Variants in NOTCH4 observed in about 807,000 individuals in gnomAD.
NOTCH4 encodes the protein neurogenic locus notch homolog protein 4.
In NOTCH4, 138 loss-of-function variants were observed where a neutral mutation model predicts 189.0. That is an observed-to-expected ratio of 0.73 (90% CI 0.64 to 0.84). The LOEUF is 0.84. NOTCH4 is among the 40% of genes least tolerant of loss of function. The probability of loss-of-function intolerance (pLI) is 0.00; values close to 1 mark genes in which losing one functional copy is unlikely to be tolerated. For missense variants in NOTCH4, 2,286 were observed against 2,605.4 expected, an observed-to-expected ratio of 0.88 and a Z score of 2.67; for synonymous variants, 942 against 1,032.8, an observed-to-expected ratio of 0.91 and a Z score of 1.69.
At position 32,198,445 on chromosome 6, in the gene NOTCH4, G is replaced by A; in HGVS notation, c.4732C>T (p.Pro1578Ser). 6 of 1,612,928 alleles carry A rather than the reference G, an allele frequency of 3.7e-6. No individual in the cohort carries two copies. The highest frequency in any genetic ancestry group is 5.1e-6 in the Non-Finnish European group (6 of 1,180,004). Residue 1578 changes from proline (P) to serine (S), a missense_variant, in exon 26 of 30, where the codon CCT becomes TCT. This residue lies in a region of NOTCH4 where 1,903 missense variants were observed against 2,261.9 expected (regional missense o/e 0.84). Transcript: ENST00000375023. This position sits in a 1 kb window ranked among gnomAD's most constrained non-coding sequence, Gnocchi z 5.5. ...TPPQESEMEAPDLDTRGPDGV... is the reference protein window; with the variant it reads ...TPPQESEMEASDLDTRGPDGV... ...CCAGGTCCACGGGTGTCCAGGTCAG[G>A]GGCTTCCATCTCAGATTCCTGGGGA...
In NOTCH4 at chr6:32,215,391, G is replaced by T; in HGVS notation, c.1862-6C>A. Reference sequence around the variant, plus strand: ...GGGAACCTCACAGAGCTGGCCTGGGGTGGGAAGATGGGTCAAAAAGAAAAC... The same window carrying T: ...GGGAACCTCACAGAGCTGGCCTGGGTTGGGAAGATGGGTCAAAAAGAAAAC... On this transcript the variant is annotated splice_polypyrimidine_tract_variant and splice_region_variant and intron_variant, in intron 11 of 29. Transcript: ENST00000375023. The T allele has an allele frequency of 3.7e-6, 6 of 1,600,936 alleles. No homozygotes were observed. The highest frequency in any genetic ancestry group is 5.1e-6 in the Non-Finnish European group (6 of 1,175,724).
intron 29 of NOTCH4, 86 bp from the exon 30 acceptor site, chr6:32,196,236 C>T (rs1308458786): frequency 1.2e-6 from 2 of 1,611,542 alleles, no homozygotes; most frequent in South Asian, 1.1e-5. Flanking sequence ...GACCACTGGC[C>T]CCTATCCCTT....
chr6:32,214,358 G>T, intron 12 of NOTCH4, 103 bp from the exon 13 acceptor site: 1 of 1,301,360 alleles, frequency 7.7e-7, no homozygotes, highest in Non-Finnish European at 1.1e-6. Flanking sequence ...TTGGCCCTGA[G>T]ATTCTGGCCT....
Position 32,217,536 on chromosome 6 carries a change from T to G in NOTCH4, c.1625-270A>C, listed in dbSNP as rs1789491866. Reference sequence around the variant, plus strand: ...AATAATAATGGAACCTACCTCATGGTACTGTTAAAAAGATTAAATGACATA... The same window carrying G: ...AATAATAATGGAACCTACCTCATGGGACTGTTAAAAAGATTAAATGACATA... On this transcript the variant is annotated intron_variant, in intron 9 of 29. Coordinates refer to ENST00000375023, the MANE Select transcript of NOTCH4 (RefSeq NM_004557.4). This position sits in a 1 kb window ranked among gnomAD's most constrained non-coding sequence, Gnocchi z 4.2. Among the ~76,000 whole-genome samples the G allele has an allele frequency of 6.6e-6, 1 of 152,222 alleles. No homozygotes were observed. The highest frequency in any genetic ancestry group is 2.4e-5 in the African/African-American group (1 of 41,448).
At chr6:32,211,120 C>T (rs984345419) in intron 17 of NOTCH4, among the ~76,000 whole-genome samples, 184 bp from the exon 18 acceptor site, 1 of 151,796 alleles carries the variant, frequency 6.6e-6, no homozygotes, top group Non-Finnish European at 1.5e-5. Context: ...ATTGGTCGGG[C>T]GTTGTGGCAG....
chr6:32,197,087 G>A lies in NOTCH4; in HGVS notation c.5053-15C>T. Reference sequence around the variant, plus strand: ...CGGAGCAGAAGCTGGGGAGACAGAGGGCCAGTGACCCCTGGGGTACCTTGG... The same window carrying A: ...CGGAGCAGAAGCTGGGGAGACAGAGAGCCAGTGACCCCTGGGGTACCTTGG... On this transcript the variant is annotated splice_polypyrimidine_tract_variant and intron_variant, in intron 27 of 29. Transcript: ENST00000375023. The A allele has an allele frequency of 6.2e-7, 1 of 1,611,526 alleles. No individual in the cohort carries two copies. Among genetic ancestry groups the A allele is most frequent in the South Asian group, 1.1e-5 (1 of 91,072 alleles).
Position 32,202,862 on chromosome 6 carries a change from C to G in NOTCH4, c.3232-263G>C. The stretch of plus-strand genomic sequence containing the variant: ...CCTGATGGACTGTGGCATTACAGTG[C>G]AAGTCCTAGAAGACTAAACAGTTAA... On this transcript the variant is annotated intron_variant, in intron 20 of 29. Transcript: ENST00000375023. This position sits in a 1 kb window ranked among gnomAD's most constrained non-coding sequence, Gnocchi z 5.7. 2.4e-6 allele frequency: 1 copy of G among 415,364 alleles called. No homozygotes were observed. Among genetic ancestry groups the G allele is most frequent in the Non-Finnish European group, 4.3e-6 (1 of 233,980 alleles). 25.7% of individuals were successfully genotyped at this position (415,364 alleles called of 1,614,324 possible). A position where few individuals can be genotyped will look rare whatever the true frequency, so the allele number is the denominator to read the frequency against.
In NOTCH4 at chr6:32,220,540, C is replaced by T. The variant is rs144492578; in HGVS notation, c.1024G>A (p.Val342Met). 1.1e-4 allele frequency: 176 copies of T among 1,613,786 alleles called. No homozygotes were observed. In the African/African-American group the frequency reaches 1.4e-3, roughly 13 times the overall value. Residue 342 changes from valine (V) to methionine (M), a missense_variant, in exon 6 of 30, where the codon GTG becomes ATG. By Grantham distance (21) the Val-to-Met change is conservative. Transcript: ENST00000375023. ...CQNSAGSFHC[V>M]CVSGWGGTSC... ...GTGCCGCCCCAGCCACTCACACACA[C>T]GCAGTGAAAGCTACCAGCAGAGTTC...
chr6:32,216,789 G>A (rs918425339), intron 11 of NOTCH4, 156 bp downstream of exon 11: 11 of 941,022 alleles, frequency 1.2e-5, no homozygotes, highest in Non-Finnish European at 1.9e-5. Context: ...CCCCATGGTT[G>A]TACAATTGTG....
rs1260088076 is a variant in NOTCH4 at position 32,221,286 on chromosome 6, G to A, written c.491C>T (p.Pro164Leu). The change falls in exon 4 of 30, where the codon CCA (proline) becomes CTA (leucine). Residue 164 changes from proline (P) to leucine (L), a missense_variant. Physicochemically the swap from Pro to Leu is moderately conservative, Grantham distance 98. Around this residue, in one of 2 missense-constraint regions of NOTCH4, gnomAD observed 1,903 missense variants for 2,261.9 expected, o/e 0.84. Coordinates refer to ENST00000375023, the MANE Select transcript of NOTCH4 (RefSeq NM_004557.4). This position sits in a 1 kb window ranked among gnomAD's most constrained non-coding sequence, Gnocchi z 4.3. ...CQLRDFCSAN[P>L]CVNGGVCLAT... ...CAGACACACCCCTCCATTAACACAT[G>A]GGTTGGCTGAACAGAAGTCCCGAAG... is the stretch of plus-strand genomic sequence containing the variant. The A allele has an allele frequency of 1.2e-6, 2 of 1,612,888 alleles. No homozygotes were observed. The highest frequency in any genetic ancestry group is 2.2e-5 in the East Asian group (1 of 44,896).
intron 12 of NOTCH4, 64 bp downstream of exon 12, chr6:32,215,162 T>C: frequency 2.1e-6 from 3 of 1,404,694 alleles, no homozygotes; most frequent in Non-Finnish European, 2.9e-6. Context: ...CTGGCTGTCT[T>C]CTCCTGTCCT....
In NOTCH4 at chr6:32,199,199, C is replaced by G; in HGVS notation, c.4316-54G>C. ...AGGCCACTCCTGGTGAGACTGATTACTATTGGGAGACCTTTGGACAAGTTT... is the reference window on the plus strand; with the variant it reads ...AGGCCACTCCTGGTGAGACTGATTAGTATTGGGAGACCTTTGGACAAGTTT... On this transcript the variant is annotated intron_variant, in intron 23 of 29. Transcript: ENST00000375023. The surrounding 1 kb of genome is among the most constrained non-coding windows in gnomAD (Gnocchi z 4.9). 1.5e-6 allele frequency: 2 copies of G among 1,342,282 alleles called. No individual in the cohort carries two copies. Among genetic ancestry groups the G allele is most frequent in the Non-Finnish European group, 1.0e-6 (1 of 993,288 alleles). 83.1% of individuals were successfully genotyped at this position (1,342,282 alleles called of 1,614,324 possible).
rs1397089565 is a variant in NOTCH4, at chr6:32,222,493, GC to G, written c.451+17del. On this transcript the variant is annotated intron_variant, in intron 3 of 29. Coordinates refer to ENST00000375023, the MANE Select transcript of NOTCH4 (RefSeq NM_004557.4). ...TGCTCCTGCCTGTCCCCTCCTGGCT[GC>G]CCCCAGCAGCGCTTACCTGTCCATC... 6.7e-7 allele frequency: 1 copy of G among 1,496,480 alleles called. No homozygotes were observed. 92.7% of individuals were successfully genotyped at this position (1,496,480 alleles called of 1,614,324 possible).
At position 32,201,429 on chromosome 6, in the gene NOTCH4, T is replaced by A. The variant is rs1197516610; in HGVS notation, c.3827A>T (p.Glu1276Val). The A allele has an allele frequency of 3.2e-6, 5 of 1,546,876 alleles. No individual in the cohort carries two copies. The South Asian group carries it at 5.0e-5, about 16-fold the overall frequency. Residue 1276 changes from glutamate (E) to valine (V), a missense_variant, in exon 22 of 30, where the codon GAG becomes GTG. Physicochemically the swap from Glu to Val is moderately radical, Grantham distance 121 (BLOSUM62 -2). Coordinates refer to ENST00000375023, the MANE Select transcript of NOTCH4 (RefSeq NM_004557.4). The surrounding 1 kb of genome is among the most constrained non-coding windows in gnomAD (Gnocchi z 5.5). Reference protein sequence around the residue: ...GHCEKGCNTAECGWDGGDCRP... With the variant: ...GHCEKGCNTAVCGWDGGDCRP... ...GCAGTCACCTCCATCCCAGCCACAC[T>A]CTGCAGTGTTGCAGCCTTTCTCACA...
At chr6:32,197,669 A>G (rs1348190877) in intron 26 of NOTCH4, 75 bp from the exon 27 acceptor site, 49 of 1,348,074 alleles carry the variant, frequency 3.6e-5, no homozygotes, top group Non-Finnish European at 4.8e-5. Flanking sequence ...AAGCTCAGAG[A>G]GAATCAAAAC....
intron 12 of NOTCH4, among the ~76,000 whole-genome samples, chr6:32,214,631 A>ATT (rs9279511): frequency 6.8e-6 from 1 of 146,082 alleles, no homozygotes; most frequent in Non-Finnish European, 1.5e-5. Context: ...TGCTCAGCAG[A>ATT]TTTTTTTTTT....
rs1787760054 is a variant in NOTCH4 at position 32,194,988 on chromosome 6, C to T, written c.*449G>A. Reference sequence around the variant, plus strand: ...GCAAGGAGTCATCAGCGGGGGTGGCCCTTGGCCACTTTTCAGCACCTACAC... The same window carrying T: ...GCAAGGAGTCATCAGCGGGGGTGGCTCTTGGCCACTTTTCAGCACCTACAC... On this transcript the variant is annotated 3_prime_UTR_variant, in exon 30 of 30. Transcript: ENST00000375023. This position sits in a 1 kb window ranked among gnomAD's most constrained non-coding sequence, Gnocchi z 4.5. 8.3e-6 allele frequency: 2 copies of T among 240,534 alleles called. No individual in the cohort carries two copies. The highest frequency in any genetic ancestry group is 2.2e-5 in the African/African-American group (1 of 45,574). 14.9% of individuals were successfully genotyped at this position (240,534 alleles called of 1,614,324 possible).
intron 1 of NOTCH4, 53 bp from the exon 2 acceptor site, chr6:32,223,139 T>A (rs1408553573): frequency 6.5e-6 from 9 of 1,386,414 alleles, no homozygotes; most frequent in Non-Finnish European, 1.0e-6. Flanking sequence ...TGCCTCCACC[T>A]TTCCTCTTCT....
At position 32,220,847 on chromosome 6, in the gene NOTCH4, T is replaced by G. The variant is rs1428405756; in HGVS notation, c.831A>C (p.Pro277=). Residue 277 remains proline, a synonymous_variant, in exon 5 of 30, where the codon CCA becomes CCC. Transcript: ENST00000375023. Reference sequence around the variant, plus strand: ...GACACTGGTGGCTGACACAGTTGTCTGGATTCACCTCACAGTCTGGGCCTA... The same window carrying G: ...GACACTGGTGGCTGACACAGTTGTCGGGATTCACCTCACAGTCTGGGCCTA... ...GFIGPDCEVN[P]DNCVSHQCQN... 1 of 1,614,118 alleles carries G rather than the reference T, an allele frequency of 6.2e-7. No homozygotes were observed. Among genetic ancestry groups the G allele is most frequent in the Admixed American group, 1.7e-5 (1 of 60,018 alleles).
Sources: allele counts gnomAD v4.1 joint callset (sites outside exome capture counted in the v4.1 genomes callset), GRCh38; gene constraint gnomAD v4.1.1; regional missense constraint gnomAD v4.1.1; non-coding constraint Gnocchi (gnomAD v3.1); transcripts MANE v1.5; gene names NCBI Gene and HGNC (gene_info 2026-07-23, HGNC 2026-07-21).